Variants in CACHD1 observed in about 807,000 individuals in gnomAD.
CACHD1 encodes the protein cache domain containing 1, also known as VWFA and cache domain-containing protein 1.
CACHD1 carries 71 observed loss-of-function variants against 138.7 expected under a neutral mutation model. The observed-to-expected ratio is 0.51, with a 90% CI of 0.42 to 0.62. The LOEUF is 0.62. CACHD1 is among the 20% of genes least tolerant of loss of function. CACHD1 has a pLI of 0.00. For missense variants in CACHD1, 1,389 were observed against 1,625.3 expected, an observed-to-expected ratio of 0.85 and a Z score of 2.50; for synonymous variants, 578 against 591.5, an observed-to-expected ratio of 0.98 and a Z score of 0.33.
chr1:64,471,129 A>C (rs2100247497), intron 1 of CACHD1, among the ~76,000 whole-genome samples, 187 bp downstream of exon 1: 1 of 152,114 alleles, frequency 6.6e-6, no homozygotes, highest in East Asian at 1.9e-4. Context: ...TCTTCCATGC[A>C]TTCGTCTACC....
chr1:64,632,545 T>G, intron 5 of CACHD1, 54 bp from the exon 6 acceptor site: 1 of 1,597,982 alleles, frequency 6.3e-7, no homozygotes. Context: ...TGTGTTAAGT[T>G]GAGGCCCTTT....
intron 3 of CACHD1, among the ~76,000 whole-genome samples, chr1:64,592,642 AG>A (rs1208760724): frequency 6.6e-6 from 1 of 152,174 alleles, no homozygotes; most frequent in Non-Finnish European, 1.5e-5. Context: ...ACAATGGAAA[AG>A]AGAAACACCA....
At chr1:64,635,079 C>G (rs893078) in intron 7 of CACHD1, among the ~76,000 whole-genome samples, 148,898 of 150,276 alleles carry the variant, frequency 0.99, 73,786 homozygotes, top group East Asian at 1. Context: ...GTGTTAACTG[C>G]GTTTTTCTCA....
chr1:64,618,511 AC>A (rs1030786322), intron 4 of CACHD1, among the ~76,000 whole-genome samples: 1 of 152,202 alleles, frequency 6.6e-6, no homozygotes, highest in African/African-American at 2.4e-5. Context: ...CTTACCTGGT[AC>A]ATGGTCAAGT....
chr1:64,618,976 C>T (rs900716146), intron 4 of CACHD1, among the ~76,000 whole-genome samples: 1 of 152,052 alleles, frequency 6.6e-6, no homozygotes, highest in Non-Finnish European at 1.5e-5. Flanking sequence ...TCTGTGTGTC[C>T]CTACCTCTGG....
chr1:64,500,910 G>A (rs956921781), intron 1 of CACHD1, among the ~76,000 whole-genome samples: 10 of 151,798 alleles, frequency 6.6e-5, no homozygotes, highest in African/African-American at 1.7e-4. Context: ...TTAGCTGGGC[G>A]TGGTGGCAAG....
chr1:64,634,268 C>T lies in CACHD1; in HGVS notation c.1006+8C>T, dbSNP rs368104909. On this transcript the variant is annotated splice_region_variant and intron_variant, in intron 7 of 26. Transcript: ENST00000651257. Reference sequence around the variant, plus strand: ...ACACAAAGTTCCAAGCAAGTGAGTGCGTTCTCTCAGAGGACTTAGAGGCAT... The same window carrying T: ...ACACAAAGTTCCAAGCAAGTGAGTGTGTTCTCTCAGAGGACTTAGAGGCAT... 1.1e-5 allele frequency: 17 copies of T among 1,610,846 alleles called. No individual in the cohort carries two copies. The highest frequency in any genetic ancestry group is 4.0e-5 in the African/African-American group (3 of 74,760).
At chr1:64,665,606 A>G (rs944798178) in intron 15 of CACHD1, among the ~76,000 whole-genome samples, 1 of 152,248 alleles carries the variant, frequency 6.6e-6, no homozygotes, top group African/African-American at 2.4e-5. Flanking sequence ...GTCAGATACA[A>G]AAGATGAGAA....
At chr1:64,533,946 G>T (rs867977338) in intron 1 of CACHD1, among the ~76,000 whole-genome samples, 17 of 151,564 alleles carry the variant, frequency 1.1e-4, no homozygotes, top group African/African-American at 3.9e-4. Flanking sequence ...CTAGAGATGG[G>T]GTTTCACAGT....
chr1:64,497,823 C>T (rs1441056539), intron 1 of CACHD1, among the ~76,000 whole-genome samples: 3 of 152,106 alleles, frequency 2.0e-5, no homozygotes, highest in African/African-American at 7.2e-5. Flanking sequence ...GGGCAATATA[C>T]CCTTAAACAA....
chr1:64,579,053 C>T (rs1401632179), intron 2 of CACHD1, among the ~76,000 whole-genome samples: 5 of 152,154 alleles, frequency 3.3e-5, no homozygotes, highest in Non-Finnish European at 1.5e-5. Context: ...GGGCCGCTGG[C>T]TTCTACCTAT....
chr1:64,604,020 A>G (rs969296811), intron 4 of CACHD1, among the ~76,000 whole-genome samples: 3 of 152,234 alleles, frequency 2.0e-5, no homozygotes, highest in Non-Finnish European at 4.4e-5. Flanking sequence ...ATGAAGAACC[A>G]TACTTCCCAA....
intron 1 of CACHD1, among the ~76,000 whole-genome samples, chr1:64,477,639 T>A (rs971313518): frequency 4.6e-4 from 67 of 146,402 alleles, no homozygotes; most frequent in East Asian, 1.2e-3. Context: ...ATTTTATTTT[T>A]TTTTTTGAGA....
In CACHD1 at chr1:64,674,353, A is replaced by G. The variant is rs530855644; in HGVS notation, c.2727+889A>G. On this transcript the variant is annotated intron_variant, in intron 19 of 26. Coordinates refer to ENST00000651257, the MANE Select transcript of CACHD1 (RefSeq NM_020925.4). ...GAGACATTGACAAATGAGACTGCCA[A>G]GTAAGGTTGTCATAGGAAAGTCTGA... 2.2e-3 allele frequency among the ~76,000 whole-genome samples: 342 copies of G among 152,316 alleles called. 1 individual carries two copies. The highest frequency in any genetic ancestry group is 7.9e-3 in the African/African-American group (329 of 41,560).
intron 7 of CACHD1, among the ~76,000 whole-genome samples, chr1:64,634,594 T>A (rs1293186283): frequency 1.3e-5 from 2 of 152,084 alleles, no homozygotes; most frequent in Admixed American, 1.3e-4. Flanking sequence ...GGCTGAGACC[T>A]GTCTGATCTC....
chr1:64,616,800 T>A (rs12758376), intron 4 of CACHD1, among the ~76,000 whole-genome samples: 14,189 of 151,908 alleles, frequency 0.093, 722 homozygotes, highest in Admixed American at 0.16. Flanking sequence ...ACCATTAAGG[T>A]CATCTAAGAG....
At chr1:64,679,969 T>C (rs1282809429) in intron 24 of CACHD1, among the ~76,000 whole-genome samples, 1 of 152,218 alleles carries the variant, frequency 6.6e-6, no homozygotes, top group Non-Finnish European at 1.5e-5. Flanking sequence ...ATCCTCTCCT[T>C]ACCAGCATTA....
chr1:64,566,374 A>G (rs914113840), intron 2 of CACHD1, among the ~76,000 whole-genome samples: 4 of 151,952 alleles, frequency 2.6e-5, no homozygotes, highest in African/African-American at 9.7e-5. Context: ...AAGAAAAATT[A>G]TGCACAAAGA....
At chr1:64,623,352 A>G in intron 4 of CACHD1, among the ~76,000 whole-genome samples, 1 of 152,072 alleles carries the variant, frequency 6.6e-6, no homozygotes, top group East Asian at 1.9e-4. Flanking sequence ...CAGTGAGCCA[A>G]GATCATGCCA....
Sources: allele counts gnomAD v4.1 joint callset (sites outside exome capture counted in the v4.1 genomes callset), GRCh38; gene constraint gnomAD v4.1.1; transcripts MANE v1.5; gene names NCBI Gene and HGNC (gene_info 2026-07-23, HGNC 2026-07-21).